SSBP3: variants seen among roughly 807,000 people sequenced by gnomAD.
SSBP3 encodes the protein single-stranded DNA-binding protein 3.
In SSBP3, 5 loss-of-function variants were observed where a neutral mutation model predicts 69.6. The observed-to-expected ratio is 0.07, with a 90% confidence interval of 0.04 to 0.15. SSBP3 has a LOEUF of 0.15. Ranked by LOEUF, SSBP3 falls within the 10% of genes least tolerant of loss-of-function variation. The pLI, the probability that SSBP3 is intolerant of heterozygous loss-of-function variation, is 1.00. For missense variants in SSBP3, 312 were observed against 534.0 expected (o/e 0.58, Z 4.10); for synonymous variants, 196 against 193.4 (o/e 1.01, Z -0.11).
intron 4 of SSBP3, among the ~76,000 whole-genome samples, chr1:54,376,232 G>A (rs1301247707): frequency 6.6e-6 from 1 of 152,030 alleles, no homozygotes; most frequent in African/African-American, 2.4e-5. Context: ...CCTCTAAGAG[G>A]TATAGTGGCC....
chr1:54,245,597 C>T (rs1032665941), intron 9 of SSBP3, among the ~76,000 whole-genome samples: 17 of 152,300 alleles, frequency 1.1e-4, no homozygotes, highest in Middle Eastern at 3.4e-3. Context: ...GATGTCCAGA[C>T]AGGATGCAGA....
intron 4 of SSBP3, among the ~76,000 whole-genome samples, chr1:54,394,459 A>G (rs964885070): frequency 1.3e-4 from 19 of 150,776 alleles, no homozygotes; most frequent in African/African-American, 4.7e-4. Flanking sequence ...TTTTAAGCCC[A>G]CATCTCATCC....
chr1:54,343,500 G>A (rs533304224), intron 4 of SSBP3, among the ~76,000 whole-genome samples: 8 of 152,204 alleles, frequency 5.3e-5, no homozygotes, highest in Non-Finnish European at 1.0e-4. Context: ...GACACTAAGA[G>A]GCCATGCCAG....
chr1:54,234,151 T>G (rs1456928503), intron 14 of SSBP3, among the ~76,000 whole-genome samples: 1 of 151,456 alleles, frequency 6.6e-6, no homozygotes, highest in African/African-American at 2.4e-5. Context: ...GAAGGCAGCA[T>G]GCTCGTTAAG....
At chr1:54,361,031 A>G (rs1389696780) in intron 4 of SSBP3, among the ~76,000 whole-genome samples, 1 of 152,090 alleles carries the variant, frequency 6.6e-6, no homozygotes, top group Non-Finnish European at 1.5e-5. Context: ...TTGAGGCTGC[A>G]GTGAGCTATG....
At chr1:54,249,723 C>A (rs1021668500) in intron 9 of SSBP3, among the ~76,000 whole-genome samples, 1 of 41,474 alleles carries the variant, frequency 2.4e-5, no homozygotes, top group South Asian at 8.1e-4. Context: ...TTTAAAAAAA[C>A]TTTTAATAAA....
intron 3 of SSBP3, among the ~76,000 whole-genome samples, chr1:54,402,319 A>G (rs1346249293): frequency 6.6e-6 from 1 of 152,210 alleles, no homozygotes; most frequent in Non-Finnish European, 1.5e-5. Context: ...GATGAACGCA[A>G]ATGTGGACGA....
chr1:54,303,262 C>T (rs1343834906), intron 4 of SSBP3, among the ~76,000 whole-genome samples: 1 of 145,650 alleles, frequency 6.9e-6, no homozygotes, highest in East Asian at 1.9e-4. Context: ...CTACCTCTCC[C>T]TCCTCCTTGG....
chr1:54,367,320 A>G (rs1286105310), intron 4 of SSBP3, among the ~76,000 whole-genome samples: 2 of 152,186 alleles, frequency 1.3e-5, no homozygotes, highest in Non-Finnish European at 2.9e-5. Flanking sequence ...TCCAGGCAAT[A>G]AAAGCAGAGA....
At chr1:54,253,835 GTCACTCTC>G (rs1232094116) in intron 7 of SSBP3, among the ~76,000 whole-genome samples, 2 of 152,244 alleles carry the variant, frequency 1.3e-5, no homozygotes, top group Non-Finnish European at 2.9e-5. Context: ...GGGCTTGGCA[GTCACTCTC>G]TCCAGGTAGC....
At chr1:54,279,554 C>T (rs1023626053) in intron 5 of SSBP3, among the ~76,000 whole-genome samples, 5 of 152,210 alleles carry the variant, frequency 3.3e-5, no homozygotes, top group East Asian at 1.9e-4. Flanking sequence ...ACCCAGATGC[C>T]GGCAAGCAGC....
At chr1:54,316,200 G>T (rs1034584560) in intron 4 of SSBP3, among the ~76,000 whole-genome samples, 1 of 151,844 alleles carries the variant, frequency 6.6e-6, no homozygotes, top group African/African-American at 2.4e-5. Context: ...CAAAAAATCA[G>T]CTGGGTGTGG....
At chr1:54,355,830 C>T (rs949587550) in intron 4 of SSBP3, among the ~76,000 whole-genome samples, 3 of 152,200 alleles carry the variant, frequency 2.0e-5, no homozygotes, top group African/African-American at 7.2e-5. Context: ...TCTATCCACA[C>T]CTCCCGCTTT....
intron 4 of SSBP3, among the ~76,000 whole-genome samples, chr1:54,343,318 A>C (rs1259085573): frequency 6.6e-6 from 1 of 152,182 alleles, no homozygotes; most frequent in Admixed American, 6.5e-5. Flanking sequence ...AAGTCACTTC[A>C]TCTCTCTGAG....
intron 4 of SSBP3, among the ~76,000 whole-genome samples, chr1:54,393,268 G>A (rs556675983): frequency 4.5e-4 from 68 of 152,304 alleles, no homozygotes; most frequent in African/African-American, 1.6e-3. Flanking sequence ...TCCAATCACT[G>A]GGGCAGGGAG....
chr1:54,385,712 A>G (rs1648030896), intron 4 of SSBP3, among the ~76,000 whole-genome samples: 1 of 152,180 alleles, frequency 6.6e-6, no homozygotes. Context: ...CATTCCTGAA[A>G]TATCTTCTAA....
intron 4 of SSBP3, among the ~76,000 whole-genome samples, chr1:54,398,072 T>C (rs2100798185): frequency 6.6e-6 from 1 of 152,260 alleles, no homozygotes; most frequent in African/African-American, 2.4e-5. Flanking sequence ...ATCAAGTAAG[T>C]GTCAATAAAA....
At chr1:54,229,060 T>C (rs533544391) in intron 14 of SSBP3, among the ~76,000 whole-genome samples, 228 of 152,246 alleles carry the variant, frequency 1.5e-3, no homozygotes, top group African/African-American at 5.3e-3. Flanking sequence ...GGAGAGGGAC[T>C]GGCCCACTGC....
At chr1:54,372,277 C>T (rs1034313991) in intron 4 of SSBP3, among the ~76,000 whole-genome samples, 10 of 152,226 alleles carry the variant, frequency 6.6e-5, no homozygotes, top group Non-Finnish European at 1.3e-4. Context: ...GCACTGAGAA[C>T]AGGGGCTGGC....
Sources: allele counts gnomAD v4.1 joint callset (sites outside exome capture counted in the v4.1 genomes callset), GRCh38; gene constraint gnomAD v4.1.1; transcripts MANE v1.5; gene names NCBI Gene and HGNC (gene_info 2026-07-23, HGNC 2026-07-21).